The following TENM2 variants were observed in gnomAD, a reference collection of about 807,000 sequenced individuals.
The protein encoded by TENM2 is teneurin-2.
TENM2 carries 52 observed loss-of-function variants against 245.2 expected under a neutral mutation model. The ratio of observed to expected loss-of-function variants is 0.21; its 90% confidence interval spans 0.17 to 0.27. The LOEUF (loss-of-function observed/expected upper bound fraction) is 0.27. Among genes scored for constraint, TENM2 ranks in the 10% least tolerant of loss-of-function variants. The pLI is 1.00. For missense variants in TENM2, 3,046 were observed against 3,666.8 expected, an observed-to-expected ratio of 0.83 and a Z score of 4.37; for synonymous variants, 1,363 against 1,438.9, an observed-to-expected ratio of 0.95 and a Z score of 1.19.
intron 2 of TENM2, among the ~76,000 whole-genome samples, chr5:167,606,101 T>C (rs956030546): frequency 6.6e-6 from 1 of 152,190 alleles, no homozygotes; most frequent in South Asian, 2.1e-4. Context: ...TGTTATATTA[T>C]CTTTACCTGT....
the TENM2 span, among the ~76,000 whole-genome samples, chr5:167,263,576 A>C: frequency 6.6e-6 from 1 of 152,142 alleles, no homozygotes; most frequent in African/African-American, 2.4e-5. Context: ...AAGCTAAAAT[A>C]ATAAATGTGT....
At chr5:168,040,389 C>A (rs1382872642) in intron 5 of TENM2, among the ~76,000 whole-genome samples, 1 of 152,182 alleles carries the variant, frequency 6.6e-6, no homozygotes, top group African/African-American at 2.4e-5. Flanking sequence ...ATAAGCCTTG[C>A]AACCATTTGG....
At chr5:167,037,821 C>T in the TENM2 span, among the ~76,000 whole-genome samples, 40 of 152,184 alleles carry the variant, frequency 2.6e-4, no homozygotes, top group African/African-American at 8.9e-4. Context: ...TTGAGTAAGT[C>T]TTCAGAGAGT....
At chr5:167,648,599 C>G (rs1253535759) in intron 2 of TENM2, among the ~76,000 whole-genome samples, 1 of 152,154 alleles carries the variant, frequency 6.6e-6, no homozygotes, top group Non-Finnish European at 1.5e-5. Context: ...ATTTGGAAGT[C>G]TGTTTGATGT....
At chr5:167,431,759 T>A (rs1764234293) in intron 2 of TENM2, among the ~76,000 whole-genome samples, 1 of 151,742 alleles carries the variant, frequency 6.6e-6, no homozygotes, top group Non-Finnish European at 1.5e-5. Flanking sequence ...CCAGTGTTTT[T>A]TAAAAAGGCG....
chr5:167,196,568 A>G, the TENM2 span, among the ~76,000 whole-genome samples: 3,273 of 139,266 alleles, frequency 0.024, 121 homozygotes, highest in African/African-American at 0.077. Flanking sequence ...ATGTGTGTGT[A>G]TATATATATA....
the TENM2 span, among the ~76,000 whole-genome samples, chr5:167,160,248 A>G: frequency 6.6e-6 from 1 of 152,214 alleles, no homozygotes. Context: ...GAATCAGATA[A>G]CGCCAAGCCA....
chr5:167,400,750 A>C (rs1375881650), intron 2 of TENM2, among the ~76,000 whole-genome samples: 1 of 152,118 alleles, frequency 6.6e-6, no homozygotes, highest in East Asian at 1.9e-4. Context: ...ATACTCAGAG[A>C]ATAGAAGGGT....
At chr5:167,375,284 C>G in exon 2 of TENM2, 1 of 1,551,736 alleles carries the variant, frequency 6.4e-7, no homozygotes, top group Non-Finnish European at 8.7e-7. Context: ...GATCCTTCAC[C>G]AGGGCTACTC....
chr5:167,970,304 A>G (rs551393897), intron 4 of TENM2, among the ~76,000 whole-genome samples: 47 of 152,314 alleles, frequency 3.1e-4, no homozygotes, highest in Admixed American at 1.2e-3. Flanking sequence ...CACTTAATGC[A>G]TTTTAACTTT....
chr5:167,125,610 T>C, the TENM2 span, among the ~76,000 whole-genome samples: 1 of 152,224 alleles, frequency 6.6e-6, no homozygotes, highest in Non-Finnish European at 1.5e-5. Context: ...GCTGATTCAA[T>C]ACTTTTGCTG....
the TENM2 span, among the ~76,000 whole-genome samples, chr5:167,077,578 G>A: frequency 2.0e-4 from 30 of 152,130 alleles, no homozygotes; most frequent in Non-Finnish European, 4.1e-4. Context: ...GAATATGATC[G>A]GATAAGCCAT....
intron 1 of TENM2, among the ~76,000 whole-genome samples, chr5:167,341,139 C>T (rs999009770): frequency 4.6e-5 from 7 of 152,254 alleles, no homozygotes; most frequent in African/African-American, 1.7e-4. Context: ...TAACTTTAGA[C>T]TAAGTGACAG....
chr5:167,795,142 T>C (rs1235918087), intron 2 of TENM2, among the ~76,000 whole-genome samples: 1 of 152,106 alleles, frequency 6.6e-6, no homozygotes, highest in Non-Finnish European at 1.5e-5. Flanking sequence ...TGGTGTCAGA[T>C]GAGAGAGTGA....
the TENM2 span, among the ~76,000 whole-genome samples, chr5:167,084,973 CA>C: frequency 6.6e-6 from 1 of 152,236 alleles, no homozygotes; most frequent in East Asian, 1.9e-4. Context: ...TTGCCCAATT[CA>C]AATGATAGAA....
chr5:167,879,425 G>A (rs973194366), intron 3 of TENM2, among the ~76,000 whole-genome samples: 2 of 152,054 alleles, frequency 1.3e-5, no homozygotes, highest in African/African-American at 2.4e-5. Context: ...CTGCCAGAGC[G>A]GGTTGCTCCA....
the TENM2 span, among the ~76,000 whole-genome samples, chr5:167,005,428 C>G: frequency 3.3e-5 from 5 of 152,074 alleles, no homozygotes; most frequent in South Asian, 6.2e-4. Flanking sequence ...TAAGATGTTG[C>G]TCTATTTCCA....
intron 2 of TENM2, among the ~76,000 whole-genome samples, chr5:167,466,377 C>A (rs193060576): frequency 2.0e-5 from 3 of 152,300 alleles, no homozygotes; most frequent in African/African-American, 7.2e-5. Flanking sequence ...CTATAGCTAA[C>A]CTCATAGTCC....
the TENM2 span, among the ~76,000 whole-genome samples, chr5:167,209,193 T>A: frequency 6.6e-6 from 1 of 152,204 alleles, no homozygotes; most frequent in African/African-American, 2.4e-5. Context: ...GAGGAATAAA[T>A]GAAAGAATGC....
Sources: gnomAD v4.1 joint callset for allele counts (sites outside exome capture counted in the v4.1 genomes callset) on GRCh38, gnomAD v4.1.1 for gene constraint, MANE v1.5 for transcripts, NCBI Gene and HGNC (gene_info 2026-07-23, HGNC 2026-07-21) for gene names.